Variants in SASH1 observed in about 807,000 individuals in gnomAD.
SASH1 encodes SAM and SH3 domain containing 1, also known as SAM and SH3 domain-containing protein 1.
Under a neutral mutation model 125.2 loss-of-function variants are expected in SASH1, and 44 were observed. The observed-to-expected ratio is 0.35, with a 90% CI of 0.28 to 0.45. The LOEUF is 0.45. Among genes scored for constraint, SASH1 ranks in the 20% least tolerant of loss-of-function variants. The pLI is 1.00. For missense variants in SASH1, 1,426 were observed against 1,614.5 expected (o/e 0.88, Z 2.00); for synonymous variants, 639 against 649.1 (o/e 0.98, Z 0.24).
At chr6:148,227,019 G>A in the SASH1 span, among the ~76,000 whole-genome samples, 1 of 152,162 alleles carries the variant, frequency 6.6e-6, no homozygotes, top group Non-Finnish European at 1.5e-5. Flanking sequence ...GGAGTCAGGA[G>A]GTGGTCTGAG....
intron 19 of SASH1, among the ~76,000 whole-genome samples, chr6:148,547,952 G>T (rs550566115): frequency 6.6e-6 from 1 of 152,286 alleles, no homozygotes; most frequent in East Asian, 1.9e-4. Context: ...ACCCAGATTT[G>T]TCCCTTCAGA....
the SASH1 span, among the ~76,000 whole-genome samples, chr6:148,217,846 TAAAAAAAAAA>T: frequency 8.1e-6 from 1 of 123,354 alleles, no homozygotes; most frequent in South Asian, 2.7e-4. Context: ...ATCCCATCTC[TAAAAAAAAAA>T]AAAAAAAAAT....
the SASH1 span, among the ~76,000 whole-genome samples, chr6:148,227,953 A>G: frequency 6.6e-6 from 1 of 152,184 alleles, no homozygotes; most frequent in African/African-American, 2.4e-5. Context: ...TAAGCACCAC[A>G]ATAACATAAA....
At position 148,527,465 on chromosome 6, in the gene SASH1, G is replaced by A; in HGVS notation, c.1297G>A (p.Asp433Asn). 5 of 1,597,618 alleles carry A rather than the reference G, an allele frequency of 3.1e-6. No homozygotes were observed. The highest frequency in any genetic ancestry group is 4.3e-6 in the Non-Finnish European group (5 of 1,175,470). ...TTTTGTTTTACAGGGTAAAGAAGGA[G>A]ACTTTGTGTACAAAGAAGTCATCAA... ...NNSDPMGKEG[D>N]FVYKEVIKSP... is the part of the protein sequence containing the mutation. The change falls in exon 12 of 20, where the codon GAC becomes AAC. Residue 433 changes from aspartate to asparagine, a missense_variant. By Grantham distance (23) the Asp-to-Asn change is conservative (BLOSUM62 1). Coordinates refer to ENST00000367467, the MANE Select transcript of SASH1 (RefSeq NM_015278.5).
chr6:148,303,250 A>G (rs1780023475), intron 1 of SASH1, among the ~76,000 whole-genome samples: 1 of 152,032 alleles, frequency 6.6e-6, no homozygotes. Flanking sequence ...ACAGTGCTGC[A>G]ATTACAGGTA....
At chr6:148,297,976 G>A (rs1254813798) in intron 1 of SASH1, among the ~76,000 whole-genome samples, 1 of 151,744 alleles carries the variant, frequency 6.6e-6, no homozygotes, top group Admixed American at 6.6e-5. Flanking sequence ...AGAATAGAAT[G>A]AATTATTGAT....
intron 8 of SASH1, chr6:148,513,810 A>G: frequency 1.0e-6 from 1 of 986,192 alleles, no homozygotes; most frequent in Non-Finnish European, 1.2e-6. Context: ...ATGGGATGGA[A>G]GAGGCTGTTT....
intron 1 of SASH1, chr6:148,272,386 G>T (rs141001472): frequency 1.5e-5 from 7 of 470,092 alleles, no homozygotes; most frequent in African/African-American, 1.4e-4. Flanking sequence ...GGGTATGTAG[G>T]CTGTCTGTTT....
chr6:148,242,542 C>G, the SASH1 span, among the ~76,000 whole-genome samples: 225 of 152,314 alleles, frequency 1.5e-3, no homozygotes, highest in African/African-American at 4.9e-3. Flanking sequence ...GCATCTGTTT[C>G]AAGTCCCCTT....
intron 16 of SASH1, among the ~76,000 whole-genome samples, chr6:148,536,096 C>T (rs1781830199): frequency 6.6e-6 from 1 of 152,060 alleles, no homozygotes; most frequent in Non-Finnish European, 1.5e-5. Flanking sequence ...AATTGTGATT[C>T]ATAGTTAATA....
At chr6:148,456,868 C>CATAACAATAATAATAATA (rs1554259870) in intron 4 of SASH1, among the ~76,000 whole-genome samples, 1 of 58,104 alleles carries the variant, frequency 1.7e-5, no homozygotes, top group Non-Finnish European at 4.1e-5. Context: ...CAGAGTGTCT[C>CATAACAATAATAATAATA]ATAACAATAA....
intron 2 of SASH1, among the ~76,000 whole-genome samples, chr6:148,419,902 T>A (rs1036454279): frequency 6.6e-6 from 1 of 152,214 alleles, no homozygotes; most frequent in African/African-American, 2.4e-5. Context: ...GAAAATACTT[T>A]AATTCTTCCT....
chr6:148,537,315 T>C (rs1414205486), intron 16 of SASH1, among the ~76,000 whole-genome samples: 2 of 152,160 alleles, frequency 1.3e-5, no homozygotes, highest in Non-Finnish European at 2.9e-5. Flanking sequence ...TAGGGTTCCA[T>C]TGGGAAAAGA....
intron 1 of SASH1, among the ~76,000 whole-genome samples, chr6:148,326,101 C>T (rs1212400613): frequency 6.7e-6 from 1 of 149,990 alleles, no homozygotes; most frequent in Non-Finnish European, 1.5e-5. Context: ...GATCTCCACT[C>T]ACTGCAATCT....
At chr6:148,213,185 A>G in the SASH1 span, among the ~76,000 whole-genome samples, 1 of 152,186 alleles carries the variant, frequency 6.6e-6, no homozygotes, top group Non-Finnish European at 1.5e-5. Context: ...GATACATGAG[A>G]AGACCCCTAA....
intron 4 of SASH1, 35 bp from the exon 5 acceptor site, chr6:148,468,510 G>C: frequency 6.4e-7 from 1 of 1,562,130 alleles, no homozygotes; most frequent in Non-Finnish European, 8.8e-7. Context: ...TGAAAGCAAG[G>C]CTCTCTGGTA....
chr6:148,361,969 A>T (rs529790416), intron 1 of SASH1, among the ~76,000 whole-genome samples: 617 of 138,472 alleles, frequency 4.5e-3, no homozygotes, highest in South Asian at 8.0e-3. Flanking sequence ...GCTGGAGTGC[A>T]GTGGCGCGAT....
intron 2 of SASH1, among the ~76,000 whole-genome samples, chr6:148,420,723 G>C (rs1261636417): frequency 6.6e-6 from 1 of 151,890 alleles, no homozygotes; most frequent in Non-Finnish European, 1.5e-5. Flanking sequence ...CTTTGTCTTT[G>C]AGTATACCAT....
chr6:148,506,758 A>G (rs1326509656), intron 8 of SASH1, among the ~76,000 whole-genome samples: 1 of 152,130 alleles, frequency 6.6e-6, no homozygotes, highest in African/African-American at 2.4e-5. Flanking sequence ...TTTATCCTGT[A>G]ACGAAGGAAT....
Sources: gnomAD v4.1 joint callset for allele counts (sites outside exome capture counted in the v4.1 genomes callset) on GRCh38, gnomAD v4.1.1 for gene constraint, MANE v1.5 for transcripts, NCBI Gene and HGNC (gene_info 2026-07-23, HGNC 2026-07-21) for gene names.